PUM2: variants seen among roughly 807,000 people sequenced by gnomAD.
PUM2 encodes the protein pumilio homolog 2.
A neutral mutation model predicts 124.5 loss-of-function variants in PUM2; 57 were observed. The ratio of observed to expected loss-of-function variants is 0.46; its 90% CI spans 0.37 to 0.57. The LOEUF (loss-of-function observed/expected upper bound fraction) is 0.57, where lower values mean the gene tolerates loss of function less well. Among genes scored for constraint, PUM2 ranks in the 20% least tolerant of loss-of-function variants. PUM2 has a pLI of 0.00. For missense variants in PUM2, 1,065 were observed against 1,290.6 expected (o/e 0.83, Z 2.68); for synonymous variants, 460 against 446.1 (o/e 1.03, Z -0.39).
intron 1 of PUM2, 181 bp downstream of exon 1, chr2:20,350,416 C>A (rs1238808162): frequency 1.1e-6 from 1 of 921,918 alleles, no homozygotes; most frequent in South Asian, 5.0e-5. Flanking sequence ...CACCCCCTTC[C>A]GGCACCCCTC....
intron 13 of PUM2, among the ~76,000 whole-genome samples, chr2:20,274,454 A>C (rs528460145): frequency 1.3e-5 from 2 of 152,270 alleles, no homozygotes; most frequent in Admixed American, 6.5e-5. Flanking sequence ...CCAGCAATTT[A>C]AACAGAATGA....
intron 15 of PUM2, 41 bp from the exon 16 acceptor site, chr2:20,258,412 T>C: frequency 6.3e-7 from 1 of 1,593,544 alleles, no homozygotes; most frequent in Non-Finnish European, 8.6e-7. Context: ...GTGACCTTAA[T>C]ATTGCTTTGT....
rs554472435 is a variant in PUM2, at chr2:20,334,554, C to T, written c.-18-7176G>A. Among the ~76,000 whole-genome samples the T allele has an allele frequency of 7.9e-5, 12 of 152,198 alleles. No homozygotes were observed. The South Asian group carries it at 2.1e-3, about 26-fold the overall frequency. ...TTAGTGACTGTCTTAGCTATGTAAA[C>T]GTTCAACATTTAATGAATGAAAAAA... is the stretch of plus-strand genomic sequence containing the variant. On this transcript the variant is annotated intron_variant, in intron 1 of 20. Transcript: ENST00000361078.
intron 10 of PUM2, among the ~76,000 whole-genome samples, chr2:20,288,522 C>T (rs189597328): frequency 1.3e-5 from 2 of 152,198 alleles, no homozygotes; most frequent in Admixed American, 1.3e-4. Context: ...TTAGGATGAA[C>T]AGGCAGAATA....
intron 14 of PUM2, 29 bp from the exon 15 acceptor site, chr2:20,260,495 A>G (rs752945058): frequency 1.3e-5 from 20 of 1,573,786 alleles, no homozygotes; most frequent in Admixed American, 1.7e-5. Flanking sequence ...TAATATGACA[A>G]TATGTTTTTT....
chr2:20,337,935 T>C (rs1379930548), intron 1 of PUM2, among the ~76,000 whole-genome samples: 1 of 152,194 alleles, frequency 6.6e-6, no homozygotes, highest in African/African-American at 2.4e-5. Context: ...TCCAGCAAAG[T>C]CAATACTGCA....
intron 13 of PUM2, among the ~76,000 whole-genome samples, chr2:20,268,573 G>A (rs1668261047): frequency 6.6e-6 from 1 of 152,116 alleles, no homozygotes; most frequent in Non-Finnish European, 1.5e-5. Context: ...AGCAGAGACT[G>A]CACCACTGCA....
At chr2:20,283,792 C>T in intron 10 of PUM2, among the ~76,000 whole-genome samples, 1 of 151,902 alleles carries the variant, frequency 6.6e-6, no homozygotes, top group East Asian at 1.9e-4. Context: ...AAAAAAAAAT[C>T]ACCATTTAGC....
At chr2:20,275,943 A>G (rs1670132267) in intron 13 of PUM2, among the ~76,000 whole-genome samples, 1 of 152,150 alleles carries the variant, frequency 6.6e-6, no homozygotes, top group African/African-American at 2.4e-5. Context: ...AAAGACATTT[A>G]AGTCAATTAG....
At chr2:20,311,308 T>C (rs1679544794) in intron 5 of PUM2, among the ~76,000 whole-genome samples, 186 bp downstream of exon 5, 1 of 152,150 alleles carries the variant, frequency 6.6e-6, no homozygotes, top group African/African-American at 2.4e-5. Flanking sequence ...GTTTGAAGAT[T>C]ATTTTTTTAA....
chr2:20,305,692 C>T (rs1368703746), intron 7 of PUM2, among the ~76,000 whole-genome samples: 2 of 152,002 alleles, frequency 1.3e-5, no homozygotes, highest in Non-Finnish European at 2.9e-5. Flanking sequence ...GACGATTCAA[C>T]TATTTTAAAA....
intron 3 of PUM2, among the ~76,000 whole-genome samples, chr2:20,315,906 T>G (rs1041632626): frequency 1.3e-5 from 2 of 151,336 alleles, no homozygotes; most frequent in African/African-American, 4.9e-5. Context: ...TTGGTTCTGA[T>G]TCTGGTAAAT....
intron 10 of PUM2, among the ~76,000 whole-genome samples, chr2:20,283,713 G>T (rs926574692): frequency 6.6e-6 from 1 of 151,872 alleles, no homozygotes; most frequent in Non-Finnish European, 1.5e-5. Flanking sequence ...TTACTCAGGG[G>T]CCACAAAATG....
At chr2:20,271,473 C>T (rs920803173) in intron 13 of PUM2, among the ~76,000 whole-genome samples, 1 of 151,990 alleles carries the variant, frequency 6.6e-6, no homozygotes, top group African/African-American at 2.4e-5. Flanking sequence ...GTCACCGCAC[C>T]CGGCTAATTT....
At chr2:20,323,908 CAAAAAAAAAAAAAAAAA>C (rs397984008) in intron 2 of PUM2, among the ~76,000 whole-genome samples, 4 of 58,426 alleles carry the variant, frequency 6.8e-5, no homozygotes, top group Non-Finnish European at 1.3e-4. Flanking sequence ...TACGGACTAG[CAAAAAAAAAAAAAAAAA>C]AAAAAAAAAA....
chr2:20,272,525 G>C (rs963073187), intron 13 of PUM2, among the ~76,000 whole-genome samples: 4 of 152,222 alleles, frequency 2.6e-5, no homozygotes, highest in Middle Eastern at 6.8e-3. Flanking sequence ...CTGTTCCGCT[G>C]TTCTATTTAT....
At chr2:20,283,591 T>C in intron 10 of PUM2, 105 bp from the exon 11 acceptor site, 1 of 1,128,348 alleles carries the variant, frequency 8.9e-7, no homozygotes. Context: ...CAGCTATTTG[T>C]ACCATTACTA....
chr2:20,346,875 G>A (rs1688343385), intron 1 of PUM2, among the ~76,000 whole-genome samples: 1 of 152,106 alleles, frequency 6.6e-6, no homozygotes, highest in Admixed American at 6.6e-5. Flanking sequence ...GGCTTCTGTG[G>A]TCCCAACATA....
At position 20,293,183 on chromosome 2, in the gene PUM2, A is replaced by C. The variant is rs116020379; in HGVS notation, c.1152+1193T>G. Among the ~76,000 whole-genome samples the C allele has an allele frequency of 2.0e-5, 3 of 152,210 alleles. No individual in the cohort carries two copies. In the East Asian group the frequency reaches 5.8e-4, roughly 29 times the overall value. Reference sequence around the variant, plus strand: ...TCCGCAATACATAGCTGTTGTAGCAATCATACATAAGCATGATAAATTTAA... The same window carrying C: ...TCCGCAATACATAGCTGTTGTAGCACTCATACATAAGCATGATAAATTTAA... On this transcript the variant is annotated intron_variant, in intron 9 of 20. Coordinates refer to ENST00000361078, the MANE Select transcript of PUM2 (RefSeq NM_015317.5).
Sources: gnomAD v4.1 joint callset for allele counts (sites outside exome capture counted in the v4.1 genomes callset) on GRCh38, gnomAD v4.1.1 for gene constraint, MANE v1.5 for transcripts, NCBI Gene and HGNC (gene_info 2026-07-23, HGNC 2026-07-21) for gene names.